The following NOL4L variants were observed in gnomAD, a reference collection of about 807,000 sequenced individuals.
NOL4L encodes the protein nucleolar protein 4 like.
A neutral mutation model predicts 64.5 loss-of-function variants in NOL4L; 7 were observed. The ratio of observed to expected loss-of-function variants is 0.11; its 90% CI spans 0.06 to 0.20. The LOEUF (loss-of-function observed/expected upper bound fraction) is 0.20. NOL4L is among the 10% of genes least tolerant of loss of function. NOL4L has a pLI of 1.00. For synonymous variants in NOL4L, 413 were observed against 401.0 expected (o/e 1.03, Z -0.36); for missense variants, 680 against 967.1 (o/e 0.70, Z 3.94).
chr20:32,530,751 G>A (rs372910945), intron 1 of NOL4L, among the ~76,000 whole-genome samples: 62 of 152,032 alleles, frequency 4.1e-4, no homozygotes, highest in African/African-American at 1.5e-3. Flanking sequence ...GAGAAACCCC[G>A]TCTCTACTAA....
intron 4 of NOL4L, among the ~76,000 whole-genome samples, chr20:32,483,986 T>C (rs1047706861): frequency 1.4e-5 from 2 of 147,212 alleles, no homozygotes; most frequent in Non-Finnish European, 1.5e-5. Context: ...AAGAAGGCGC[T>C]GGGATCTGTG....
intron 1 of NOL4L, among the ~76,000 whole-genome samples, chr20:32,538,484 TCCCTCCCTCCCTC>T (rs2018594368): frequency 1.4e-5 from 1 of 72,978 alleles, no homozygotes; most frequent in African/African-American, 4.6e-5. Flanking sequence ...CCTCCCTCCC[TCCCTCCCTCCCTC>T]CCTCCTCCTT....
chr20:32,478,875 C>T (rs1173372734), intron 4 of NOL4L, among the ~76,000 whole-genome samples: 1 of 152,224 alleles, frequency 6.6e-6, no homozygotes, highest in Non-Finnish European at 1.5e-5. Context: ...AGCTGCCACA[C>T]CTGGCTGCGA....
intron 4 of NOL4L, chr20:32,509,751 G>A (rs1316373131): frequency 1.1e-5 from 14 of 1,274,302 alleles, no homozygotes; most frequent in Admixed American, 9.7e-5. Context: ...GTGAGAGATC[G>A]CAACTTGCAC....
chr20:32,488,720 TTTTC>T (rs1163248303), intron 4 of NOL4L, among the ~76,000 whole-genome samples: 21 of 151,826 alleles, frequency 1.4e-4, no homozygotes, highest in East Asian at 3.9e-4. Flanking sequence ...TTGTATTTCT[TTTTC>T]TTTCTTTCTT....
At chr20:32,483,589 C>G in intron 4 of NOL4L, 2 of 740,628 alleles carry the variant, frequency 2.7e-6, no homozygotes, top group Non-Finnish European at 3.1e-6. Flanking sequence ...CGCCGCGGCC[C>G]GGAGGAAGGG....
rs2018559161 is a variant in NOL4L at position 32,537,114 on chromosome 20, C to T, written c.322-9201G>A. 7 of 985,358 alleles carry T rather than the reference C, an allele frequency of 7.1e-6. No individual in the cohort carries two copies. In the African/African-American group the frequency reaches 8.7e-5, roughly 12 times the overall value. 61.0% of individuals were successfully genotyped at this position (985,358 alleles called of 1,614,324 possible). A position where few individuals can be genotyped will look rare whatever the true frequency, so the allele number is the denominator to read the frequency against. On this transcript the variant is annotated intron_variant, in intron 1 of 10. Transcript: ENST00000621426. ...TTTGTGCAGGGCGGTACCATTCGAT[C>T]TTGCCAGCTCTCCTTCAGGGAGCGC...
intron 1 of NOL4L, among the ~76,000 whole-genome samples, chr20:32,580,551 A>G (rs574060159): frequency 5.9e-5 from 9 of 152,198 alleles, no homozygotes; most frequent in Non-Finnish European, 1.3e-4. Flanking sequence ...TGGGTAGTGG[A>G]ACACCTGGGG....
intron 1 of NOL4L, among the ~76,000 whole-genome samples, chr20:32,542,042 G>C (rs1007125969): frequency 7.2e-5 from 11 of 152,234 alleles, no homozygotes; most frequent in Non-Finnish European, 1.2e-4. Flanking sequence ...GGACAGGCGG[G>C]TGGTGGGGGG....
intron 4 of NOL4L, among the ~76,000 whole-genome samples, chr20:32,487,161 G>A (rs544361836): frequency 5.3e-5 from 8 of 152,180 alleles, no homozygotes; most frequent in African/African-American, 1.9e-4. Flanking sequence ...CCAGCTACTC[G>A]GGAGGCTGGG....
At chr20:32,575,658 G>C (rs996433371) in intron 1 of NOL4L, among the ~76,000 whole-genome samples, 2 of 152,180 alleles carry the variant, frequency 1.3e-5, no homozygotes, top group African/African-American at 4.8e-5. Flanking sequence ...CTGGGGACAC[G>C]GCAGCAAAAA....
chr20:32,524,468 G>A (rs144407852), intron 2 of NOL4L, among the ~76,000 whole-genome samples: 3 of 152,114 alleles, frequency 2.0e-5, no homozygotes, highest in African/African-American at 7.2e-5. Context: ...CAAATAACAC[G>A]CCTCATTTAG....
rs980633592 is a variant in NOL4L at position 32,463,261 on chromosome 20, T to G, written c.842-6866A>C. On this transcript the variant is annotated intron_variant, in intron 5 of 10. Coordinates refer to ENST00000621426, the MANE Select transcript of NOL4L (RefSeq NM_001256798.2). This position sits in a 1 kb window ranked among gnomAD's most constrained non-coding sequence, Gnocchi z 5.8. The stretch of plus-strand genomic sequence containing the variant: ...CACACCTGGAGCTGGAAGTGGAACC[T>G]AAGGGTGCCCAGGTGACCTCTTGTC... Among the ~76,000 whole-genome samples the G allele has an allele frequency of 4.6e-5, 7 of 152,178 alleles. No homozygotes were observed. Among genetic ancestry groups the G allele is most frequent in the Non-Finnish European group, 1.0e-4 (7 of 68,014 alleles).
At chr20:32,490,144 A>ACAAAAC (rs1555797122) in intron 4 of NOL4L, among the ~76,000 whole-genome samples, 1 of 122,184 alleles carries the variant, frequency 8.2e-6, no homozygotes, top group Admixed American at 9.2e-5. Flanking sequence ...AAAAAAAAAA[A>ACAAAAC]ATATATATAC....
chr20:32,483,516 C>T, intron 4 of NOL4L: 1 of 982,762 alleles, frequency 1.0e-6, no homozygotes, highest in Non-Finnish European at 1.2e-6. Context: ...CGTCACTGCC[C>T]GGCCCGGGGG....
At chr20:32,545,950 C>CTT (rs11327665) in intron 1 of NOL4L, among the ~76,000 whole-genome samples, 2 of 133,926 alleles carry the variant, frequency 1.5e-5, no homozygotes, top group Non-Finnish European at 3.1e-5. Context: ...TCTTTCTTTT[C>CTT]TTTTTTTTTT....
chr20:32,561,358 A>G (rs974658338), intron 1 of NOL4L, among the ~76,000 whole-genome samples: 1 of 152,176 alleles, frequency 6.6e-6, no homozygotes, highest in African/African-American at 2.4e-5. Flanking sequence ...CCGACGCTGG[A>G]ATGCTTCTCT....
Position 32,453,275 on chromosome 20 carries a change from A to T in NOL4L, c.1497+29T>A. 1 of 1,603,850 alleles carries T rather than the reference A, an allele frequency of 6.2e-7. No homozygotes were observed. Among genetic ancestry groups the T allele is most frequent in the Non-Finnish European group, 8.5e-7 (1 of 1,173,102 alleles). ...AGGAGGTCAGTAGTGGCACCGAGGG[A>T]AAGTGTGGGCCAGGCAGGGGGGACT... On this transcript the variant is annotated intron_variant, in intron 8 of 10. Coordinates refer to ENST00000621426, the MANE Select transcript of NOL4L (RefSeq NM_001256798.2). This position sits in a 1 kb window ranked among gnomAD's most constrained non-coding sequence, Gnocchi z 5.6.
At chr20:32,553,460 T>C (rs1351316226) in intron 1 of NOL4L, among the ~76,000 whole-genome samples, 1 of 152,206 alleles carries the variant, frequency 6.6e-6, no homozygotes, top group Non-Finnish European at 1.5e-5. Flanking sequence ...CACATGGATG[T>C]TCTCTCACCT....
Sources: gnomAD v4.1 joint callset for allele counts (sites outside exome capture counted in the v4.1 genomes callset) on GRCh38, gnomAD v4.1.1 for gene constraint, Gnocchi (gnomAD v3.1) non-coding constraint, MANE v1.5 for transcripts, NCBI Gene and HGNC (gene_info 2026-07-23, HGNC 2026-07-21) for gene names.